Variants in PCDHA5 observed in about 807,000 individuals in gnomAD.
PCDHA5 encodes the protein protocadherin alpha-5.
Under a neutral mutation model 61.6 loss-of-function variants are expected in PCDHA5, and 43 were observed. That is an observed-to-expected ratio of 0.70 (90% CI 0.55 to 0.90). PCDHA5 has a LOEUF of 0.90. Among genes scored for constraint, PCDHA5 ranks in the 40% least tolerant of loss-of-function variants. PCDHA5 has a pLI of 0.00. For missense variants in PCDHA5, 1,298 were observed against 1,222.7 expected, an observed-to-expected ratio of 1.06 and a Z score of -0.92; for synonymous variants, 627 against 543.9, an observed-to-expected ratio of 1.15 and a Z score of -2.13.
At chr5:140,915,244 G>A (rs1440851135) in intron 1 of PCDHA5, among the ~76,000 whole-genome samples, 2 of 152,058 alleles carry the variant, frequency 1.3e-5, no homozygotes, top group Non-Finnish European at 2.9e-5. Flanking sequence ...ACCATGCCTG[G>A]CCAGGTTGTT....
At chr5:140,968,067 T>G in intron 1 of PCDHA5, 1 of 1,614,082 alleles carries the variant, frequency 6.2e-7, no homozygotes, top group Non-Finnish European at 8.5e-7. Context: ...CGGGTGGCTG[T>G]CTACAACATC....
At chr5:140,996,832 T>G (rs1338616787) in intron 3 of PCDHA5, among the ~76,000 whole-genome samples, 1 of 152,212 alleles carries the variant, frequency 6.6e-6, no homozygotes, top group African/African-American at 2.4e-5. Flanking sequence ...TACCAATAAT[T>G]TAGCGTGCAT....
intron 1 of PCDHA5, among the ~76,000 whole-genome samples, chr5:140,969,715 A>G (rs1312398688): frequency 6.6e-6 from 1 of 152,082 alleles, no homozygotes; most frequent in Non-Finnish European, 1.5e-5. Context: ...CTACAGGGAA[A>G]TTTTTCTTTT....
Position 140,843,501 on chromosome 5 carries a change from C to T in PCDHA5, c.2352+19374C>T, listed in dbSNP as rs2150361276. The stretch of plus-strand genomic sequence containing the variant: ...ACTGCGCTGCGGTGCTCAGCACTGC[C>T]CACTGAGGGCGGGTGCCGGGCGGGC... On this transcript the variant is annotated intron_variant, in intron 1 of 3. Coordinates refer to ENST00000529859, the MANE Select transcript of PCDHA5 (RefSeq NM_018908.3). 8.1e-6 allele frequency: 13 copies of T among 1,595,862 alleles called. 1 individual carries two copies. Among genetic ancestry groups the T allele is most frequent in the East Asian group, 2.2e-5 (1 of 44,830 alleles).
At chr5:140,887,767 A>G (rs782237653) in intron 1 of PCDHA5, among the ~76,000 whole-genome samples, 6 of 152,194 alleles carry the variant, frequency 3.9e-5, no homozygotes, top group African/African-American at 7.2e-5. Context: ...CATATGTTAC[A>G]ATGACACAGG....
intron 1 of PCDHA5, chr5:140,875,909 C>A (rs1554168058): frequency 1.2e-6 from 2 of 1,614,048 alleles, no homozygotes; most frequent in African/African-American, 2.7e-5. Flanking sequence ...TCTGAATCTG[C>A]GCCTCTGGAC....
chr5:140,926,420 T>G, intron 1 of PCDHA5: 1 of 152,792 alleles, frequency 6.5e-6, no homozygotes, highest in Non-Finnish European at 1.5e-5. Context: ...GGGCAGAGGA[T>G]GTGGAGGTTA....
chr5:140,866,062 C>T (rs1312576527), intron 1 of PCDHA5: 2 of 152,092 alleles, frequency 1.3e-5, no homozygotes, highest in Non-Finnish European at 2.9e-5. Context: ...ATCAATGCCA[C>T]ACTGAGATAG....
At chr5:140,917,137 C>A (rs868951388) in intron 1 of PCDHA5, among the ~76,000 whole-genome samples, 4 of 152,208 alleles carry the variant, frequency 2.6e-5, no homozygotes, top group African/African-American at 4.8e-5. Context: ...CCACGTTGCT[C>A]AGCTGCTGCT....
At chr5:140,842,919 T>A in intron 1 of PCDHA5, 1 of 1,594,538 alleles carries the variant, frequency 6.3e-7, no homozygotes, top group Non-Finnish European at 8.6e-7. Flanking sequence ...CTGCTGCAGT[T>A]CCAGGTGAGC....
chr5:140,987,043 A>G (rs1406153632), intron 3 of PCDHA5, among the ~76,000 whole-genome samples: 5 of 151,912 alleles, frequency 3.3e-5, no homozygotes, highest in Non-Finnish European at 7.4e-5. Flanking sequence ...GCGAAACCCC[A>G]TCTCTACTAA....
chr5:140,838,040 G>T (rs1775384058), intron 1 of PCDHA5, among the ~76,000 whole-genome samples: 1 of 149,654 alleles, frequency 6.7e-6, no homozygotes, highest in Non-Finnish European at 1.5e-5. Context: ...CTACCTTTCT[G>T]CACTTTTTGG....
At chr5:140,883,760 C>T (rs199864330) in intron 1 of PCDHA5, 18 of 1,612,790 alleles carry the variant, frequency 1.1e-5, no homozygotes, top group Non-Finnish European at 1.4e-5. Context: ...GGTGGAGCGG[C>T]GGGTGGGCGA....
chr5:140,830,644 T>G, intron 1 of PCDHA5: 1 of 475,478 alleles, frequency 2.1e-6, no homozygotes, highest in Non-Finnish European at 3.4e-6. Context: ...TCTTTGCTTC[T>G]TTAATATTCA....
intron 1 of PCDHA5, among the ~76,000 whole-genome samples, chr5:140,955,283 A>G (rs1255959484): frequency 6.6e-6 from 1 of 151,774 alleles, no homozygotes; most frequent in African/African-American, 2.4e-5. Context: ...CCATATTGAT[A>G]TGGTTTGGCT....
At chr5:140,993,470 A>T (rs1348899420) in intron 3 of PCDHA5, among the ~76,000 whole-genome samples, 10 of 115,268 alleles carry the variant, frequency 8.7e-5, no homozygotes, top group East Asian at 7.9e-4. Flanking sequence ...TCTCACACAC[A>T]CACACACACA....
intron 1 of PCDHA5, chr5:140,928,682 C>T (rs782513735): frequency 6.2e-7 from 1 of 1,614,174 alleles, no homozygotes; most frequent in Non-Finnish European, 8.5e-7. Flanking sequence ...GCCTGGCTTT[C>T]CTACCACATC....
chr5:141,010,293 G>T lies in PCDHA5; in HGVS notation c.*356G>T. 6.5e-7 allele frequency: 1 copy of T among 1,549,794 alleles called. No homozygotes were observed. Among genetic ancestry groups the T allele is most frequent in the Non-Finnish European group, 8.7e-7 (1 of 1,146,454 alleles). On this transcript the variant is annotated 3_prime_UTR_variant, in exon 4 of 4. Coordinates refer to ENST00000529859, the MANE Select transcript of PCDHA5 (RefSeq NM_018908.3). ...ATCCTGTCTTGATGACACTTGCAGG[G>T]CAGGCTGAAAAGTTTTGAGATTGAG...
chr5:140,839,557 T>A (rs1776285621), intron 1 of PCDHA5, among the ~76,000 whole-genome samples: 1 of 151,956 alleles, frequency 6.6e-6, no homozygotes, highest in Non-Finnish European at 1.5e-5. Context: ...GCCCAACTAA[T>A]TTTTGTATTT....
Sources: allele counts gnomAD v4.1 joint callset (sites outside exome capture counted in the v4.1 genomes callset), GRCh38; gene constraint gnomAD v4.1.1; transcripts MANE v1.5; gene names NCBI Gene and HGNC (gene_info 2026-07-23, HGNC 2026-07-21).